NMNAT2: variants seen among roughly 807,000 people sequenced by gnomAD.
NMNAT2 encodes the protein nicotinamide/nicotinic acid mononucleotide adenylyltransferase 2.
NMNAT2 carries 11 observed loss-of-function variants against 41.6 expected under a neutral mutation model. The observed-to-expected ratio is 0.26, with a 90% confidence interval of 0.17 to 0.44. The LOEUF (loss-of-function observed/expected upper bound fraction) is 0.44. Among genes scored for constraint, NMNAT2 ranks in the 20% least tolerant of loss-of-function variants. The pLI is 1.00. For synonymous variants in NMNAT2, 148 were observed against 151.2 expected (o/e 0.98, Z 0.16); for missense variants, 288 against 407.7 (o/e 0.71, Z 2.53).
intron 4 of NMNAT2, among the ~76,000 whole-genome samples, chr1:183,289,131 C>T (rs115145704): frequency 0.02 from 3,038 of 152,286 alleles, 83 homozygotes; most frequent in African/African-American, 0.068. Context: ...CCAGGAAGAA[C>T]GTGGTGACAG....
At chr1:183,409,327 G>A (rs1649051021) in intron 1 of NMNAT2, among the ~76,000 whole-genome samples, 1 of 151,946 alleles carries the variant, frequency 6.6e-6, no homozygotes, top group Admixed American at 6.6e-5. Context: ...TTTTGTTTTT[G>A]TTTTCTTGAG....
At chr1:183,413,816 C>T (rs1649184837) in intron 1 of NMNAT2, among the ~76,000 whole-genome samples, 1 of 151,994 alleles carries the variant, frequency 6.6e-6, no homozygotes, top group Non-Finnish European at 1.5e-5. Context: ...ACCGTGTTCG[C>T]CAGGATGGTC....
At chr1:183,257,702 C>T (rs970473547) in intron 10 of NMNAT2, among the ~76,000 whole-genome samples, 10 of 151,604 alleles carry the variant, frequency 6.6e-5, no homozygotes, top group Admixed American at 6.6e-5. Context: ...ATTTCTGAGA[C>T]ATCTGTTATA....
At chr1:183,326,931 A>G (rs1662477906) in intron 1 of NMNAT2, among the ~76,000 whole-genome samples, 1 of 152,238 alleles carries the variant, frequency 6.6e-6, no homozygotes. Flanking sequence ...AGAAAAATTA[A>G]TGAATAGGAT....
At chr1:183,378,715 A>G (rs1663730503) in intron 1 of NMNAT2, among the ~76,000 whole-genome samples, 1 of 152,170 alleles carries the variant, frequency 6.6e-6, no homozygotes, top group South Asian at 2.1e-4. Context: ...ATCAATAATC[A>G]TTTAAAATGT....
At chr1:183,333,650 A>T (rs952047547) in intron 1 of NMNAT2, among the ~76,000 whole-genome samples, 1 of 139,010 alleles carries the variant, frequency 7.2e-6, no homozygotes, top group Admixed American at 7.1e-5. Flanking sequence ...GGCTTCCAGA[A>T]CTGTAAGATA....
intron 1 of NMNAT2, among the ~76,000 whole-genome samples, chr1:183,375,394 C>T (rs552745126): frequency 2.6e-5 from 4 of 152,308 alleles, no homozygotes; most frequent in Admixed American, 6.5e-5. Context: ...CCCTACTCCC[C>T]ACTTACTCTT....
At chr1:183,359,538 T>C (rs771575350) in intron 1 of NMNAT2, among the ~76,000 whole-genome samples, 2 of 152,292 alleles carry the variant, frequency 1.3e-5, no homozygotes, top group South Asian at 2.1e-4. Flanking sequence ...ACTTGAACCA[T>C]GTGGTCTCTG....
At position 183,403,923 on chromosome 1, in the gene NMNAT2, C is replaced by T. The variant is rs896016611; in HGVS notation, c.85+14260G>A. Among the ~76,000 whole-genome samples the T allele has an allele frequency of 4.6e-5, 7 of 152,074 alleles. No individual in the cohort carries two copies. The South Asian group carries it at 1.5e-3, about 32-fold the overall frequency. ...ATTCAAATGCTATTACAGGGGACAA[C>T]CTTGTCACCAAACAGGATTTGTTTA... On this transcript the variant is annotated intron_variant, in intron 1 of 10. Coordinates refer to ENST00000287713, the MANE Select transcript of NMNAT2 (RefSeq NM_015039.4).
intron 7 of NMNAT2, among the ~76,000 whole-genome samples, chr1:183,280,623 A>G (rs989070092): frequency 1.3e-5 from 2 of 151,594 alleles, no homozygotes; most frequent in Admixed American, 6.6e-5. Context: ...CCTGACCTCA[A>G]GTGATCTGCC....
chr1:183,257,191 C>T (rs1191097169), intron 10 of NMNAT2, among the ~76,000 whole-genome samples: 1 of 151,960 alleles, frequency 6.6e-6, no homozygotes, highest in Admixed American at 6.6e-5. Context: ...GCCTGTAATA[C>T]CAGCACTTTG....
At chr1:183,259,556 G>T (rs1452492869) in intron 10 of NMNAT2, among the ~76,000 whole-genome samples, 1 of 152,120 alleles carries the variant, frequency 6.6e-6, no homozygotes, top group Non-Finnish European at 1.5e-5. Context: ...GTTCCCCATA[G>T]TCTTCTCTTC....
intron 1 of NMNAT2, among the ~76,000 whole-genome samples, chr1:183,338,222 A>AT (rs58516191): frequency 2.0e-5 from 3 of 149,770 alleles, no homozygotes; most frequent in South Asian, 2.1e-4. Flanking sequence ...ACAGATCATT[A>AT]ACCGTGAGGC....
rs183525945 is a variant in NMNAT2, at chr1:183,252,143, G to T, written c.*498C>A. The T allele has an allele frequency of 6.4e-6, 1 of 156,288 alleles. No homozygotes were observed. The highest frequency in any genetic ancestry group is 6.3e-5 in the Admixed American group (1 of 15,960). The allele number at this position is 156,288 out of a possible 1,614,324, so 9.7% of individuals were successfully genotyped here. On this transcript the variant is annotated 3_prime_UTR_variant, in exon 11 of 11. Transcript: ENST00000287713. ...CCAAGTTCTACAGGGAGTGAACAAA[G>T]AAAAATAAATAAACAAAAGAAAGAA...
chr1:183,356,787 A>T (rs1029063425), intron 1 of NMNAT2, among the ~76,000 whole-genome samples: 2 of 152,250 alleles, frequency 1.3e-5, no homozygotes, highest in Non-Finnish European at 2.9e-5. Flanking sequence ...GCAGTAGAAG[A>T]TAGAGTTTTC....
intron 1 of NMNAT2, among the ~76,000 whole-genome samples, chr1:183,343,086 A>C (rs1662854409): frequency 6.6e-6 from 1 of 152,070 alleles, no homozygotes; most frequent in South Asian, 2.1e-4. Flanking sequence ...TTTTGTCTTC[A>C]TGTCTGCACC....
At chr1:183,297,508 G>T (rs6672141) in intron 1 of NMNAT2, among the ~76,000 whole-genome samples, 1 of 151,150 alleles carries the variant, frequency 6.6e-6, no homozygotes, top group African/African-American at 2.4e-5. Flanking sequence ...TCCGCCTCCC[G>T]AGTAGCTGGA....
chr1:183,269,491 T>C (rs543812934), intron 8 of NMNAT2, among the ~76,000 whole-genome samples: 1 of 152,328 alleles, frequency 6.6e-6, no homozygotes, highest in South Asian at 2.1e-4. Flanking sequence ...AGCCTGAGTT[T>C]CCCTCCCAAA....
intron 1 of NMNAT2, chr1:183,304,565 C>G: frequency 9.1e-7 from 1 of 1,093,294 alleles, no homozygotes; most frequent in Non-Finnish European, 1.4e-6. Context: ...GCCCTGCAAA[C>G]CTTGAGAAGC....
Sources: gnomAD v4.1 joint callset for allele counts (sites outside exome capture counted in the v4.1 genomes callset) on GRCh38, gnomAD v4.1.1 for gene constraint, MANE v1.5 for transcripts, NCBI Gene and HGNC (gene_info 2026-07-23, HGNC 2026-07-21) for gene names.